FAM174B: variants seen among roughly 807,000 people sequenced by gnomAD.
FAM174B encodes the protein family with sequence similarity 174 member B.
FAM174B carries 12 observed loss-of-function variants against 10.9 expected under a neutral mutation model. That is an observed-to-expected ratio of 1.10 (90% CI 0.71 to 1.79). FAM174B has a LOEUF of 1.79. FAM174B is among the 40% of genes most tolerant of loss of function. The probability of loss-of-function intolerance (pLI) is 0.00; values close to 1 mark genes in which losing one functional copy is unlikely to be tolerated. For synonymous variants in FAM174B, 132 were observed against 115.8 expected (o/e 1.14, Z -0.90); for missense variants, 266 against 233.3 (o/e 1.14, Z -0.91).
chr15:92,643,456 C>T (rs2050905521), intron 1 of FAM174B, among the ~76,000 whole-genome samples: 3 of 151,576 alleles, frequency 2.0e-5, no homozygotes, highest in Non-Finnish European at 2.9e-5. Flanking sequence ...ATTGACAACA[C>T]AAAGTGAAGA....
intron 2 of FAM174B, among the ~76,000 whole-genome samples, chr15:92,628,416 G>C (rs1223843229): frequency 2.8e-5 from 4 of 142,748 alleles, no homozygotes; most frequent in Non-Finnish European, 6.0e-5. Context: ...TGGAGCTCAA[G>C]AGATCTGCAC....
intron 1 of FAM174B, among the ~76,000 whole-genome samples, chr15:92,654,167 A>G (rs2050985506): frequency 6.6e-6 from 1 of 152,216 alleles, no homozygotes; most frequent in Admixed American, 6.5e-5. Context: ...TCAAAGTCAC[A>G]CACAACTGAC....
chr15:92,637,070 T>G (rs989812854), intron 1 of FAM174B, among the ~76,000 whole-genome samples: 1 of 152,176 alleles, frequency 6.6e-6, no homozygotes, highest in Non-Finnish European at 1.5e-5. Context: ...CCCTCCCACA[T>G]GGGCCTGGCC....
chr15:92,634,223 A>C (rs1567046330), intron 1 of FAM174B: 2 of 152,244 alleles, frequency 1.3e-5, no homozygotes, highest in Non-Finnish European at 2.9e-5. Flanking sequence ...AGACGGCTTC[A>C]GGCTGAGGAG....
Position 92,655,593 on chromosome 15 carries a change from C to T in FAM174B, c.67G>A (p.Ala23Thr), listed in dbSNP as rs1471927817. 7.7e-7 allele frequency: 1 copy of T among 1,302,656 alleles called. No homozygotes were observed. Among genetic ancestry groups the T allele is most frequent in the South Asian group, 2.6e-5 (1 of 39,106 alleles). The allele number at this position is 1,302,656 out of a possible 1,614,324, so 80.7% of individuals were successfully genotyped here. A position where few individuals can be genotyped will look rare whatever the true frequency, so the allele number is the denominator to read the frequency against. The change falls in exon 1 of 3, where the codon GCC (alanine) becomes ACC (threonine). Residue 23 changes from alanine (A) to threonine (T), a missense_variant. Ala to Thr is a moderately conservative substitution (Grantham distance 58, BLOSUM62 0). Coordinates refer to ENST00000327355, the MANE Select transcript of FAM174B (RefSeq NM_207446.3). ...GACTCGGCTCTGCTGGCGCGGGCGG[C>T]GGGAGCGGCCAGGAGCGCGAGCAGC... ...LLLLALLAAP[A>T]ARASRAESVS... is the part of the protein sequence containing the mutation.
intron 1 of FAM174B, chr15:92,653,264 T>C (rs2050978955): frequency 6.6e-6 from 1 of 152,144 alleles, no homozygotes; most frequent in Admixed American, 6.5e-5. Flanking sequence ...CAGGCTAGAG[T>C]GCTGGCTTAC....
chr15:92,655,153 C>T (rs1292066877), intron 1 of FAM174B, 163 bp downstream of exon 1: 3 of 1,021,096 alleles, frequency 2.9e-6, no homozygotes, highest in Non-Finnish European at 3.9e-6. Flanking sequence ...GACGAGCACA[C>T]CCCGGCCCCC....
Position 92,630,815 on chromosome 15 carries a change from T to C in FAM174B, c.345-470A>G, listed in dbSNP as rs1196839559. 1.7e-4 allele frequency among the ~76,000 whole-genome samples: 7 copies of C among 41,270 alleles called. 1 individual carries two copies. Among genetic ancestry groups the C allele is most frequent in the Admixed American group, 2.6e-4 (1 of 3,826 alleles). The allele number at this position is 41,270 out of a possible 152,430, so 27.1% of individuals were successfully genotyped here. ...CATATTACATATTATATATATTTTA[T>C]ATATTACATATTATATATTATATAT... On this transcript the variant is annotated intron_variant, in intron 1 of 2. Coordinates refer to ENST00000327355, the MANE Select transcript of FAM174B (RefSeq NM_207446.3).
intron 1 of FAM174B, among the ~76,000 whole-genome samples, chr15:92,636,458 T>G (rs1033786426): frequency 6.6e-6 from 1 of 152,212 alleles, no homozygotes; most frequent in South Asian, 2.1e-4. Context: ...CTGAGGAGAC[T>G]GAGGCTCAGG....
intron 2 of FAM174B, among the ~76,000 whole-genome samples, chr15:92,620,658 T>A (rs2050713416): frequency 6.6e-6 from 1 of 151,268 alleles, no homozygotes; most frequent in African/African-American, 2.4e-5. Context: ...CTACTAAAAA[T>A]ACAAAAATTA....
chr15:92,647,784 T>A (rs2050938303), intron 1 of FAM174B, among the ~76,000 whole-genome samples: 1 of 152,200 alleles, frequency 6.6e-6, no homozygotes. Flanking sequence ...GGAAAATTTT[T>A]GCATCTATAG....
At chr15:92,624,779 G>T (rs1019547542) in intron 2 of FAM174B, among the ~76,000 whole-genome samples, 1 of 152,352 alleles carries the variant, frequency 6.6e-6, no homozygotes, top group South Asian at 2.1e-4. Flanking sequence ...CCTCCCTCTT[G>T]GTGGGGAGGC....
At position 92,618,919 on chromosome 15, in the gene FAM174B, A is replaced by G. The variant is rs1371200810; in HGVS notation, c.*537T>C. 2 of 495,960 alleles carry G rather than the reference A, an allele frequency of 4.0e-6. No individual in the cohort carries two copies. Among genetic ancestry groups the G allele is most frequent in the East Asian group, 7.2e-5 (2 of 27,848 alleles). 30.7% of individuals were successfully genotyped at this position (495,960 alleles called of 1,614,324 possible). Reference sequence around the variant, plus strand: ...GAAGGGGCTGACCAGCTCTAAGCACATCCACCTTGAACTCTGACACAGGTA... The same window carrying G: ...GAAGGGGCTGACCAGCTCTAAGCACGTCCACCTTGAACTCTGACACAGGTA... On this transcript the variant is annotated 3_prime_UTR_variant, in exon 3 of 3. Coordinates refer to ENST00000327355, the MANE Select transcript of FAM174B (RefSeq NM_207446.3).
intron 1 of FAM174B, among the ~76,000 whole-genome samples, chr15:92,633,592 G>A (rs2050833597): frequency 6.6e-6 from 1 of 152,122 alleles, no homozygotes; most frequent in Non-Finnish European, 1.5e-5. Flanking sequence ...ACAGGCATGG[G>A]TGTGAATCTA....
Position 92,617,967 on chromosome 15 carries a change from C to G in FAM174B, c.*1489G>C, listed in dbSNP as rs549563846. 2 of 360,676 alleles carry G rather than the reference C, an allele frequency of 5.5e-6. No individual in the cohort carries two copies. Among genetic ancestry groups the G allele is most frequent in the African/African-American group, 4.2e-5 (2 of 47,960 alleles). The allele number at this position is 360,676 out of a possible 1,614,324, so 22.3% of individuals were successfully genotyped here. On this transcript the variant is annotated 3_prime_UTR_variant, in exon 3 of 3. Coordinates refer to ENST00000327355, the MANE Select transcript of FAM174B (RefSeq NM_207446.3). ...GCTCTTTCCTGCAGAGGCGAAACTG[C>G]CTTCCTGGCAGGCGGAGGCTGCCGA...
rs192089392 is a variant in FAM174B at position 92,649,267 on chromosome 15, G to A, written c.344+6049C>T. Among the ~76,000 whole-genome samples the A allele has an allele frequency of 1.5e-3, 236 of 152,324 alleles. 1 individual carries two copies. The highest frequency in any genetic ancestry group is 5.0e-3 in the African/African-American group (207 of 41,576). ...TTCCAATTTGATAGAAGGAATCCAC[G>A]TCAGGTGCCAGGTCTTCACAGTCCT... On this transcript the variant is annotated intron_variant, in intron 1 of 2. Coordinates refer to ENST00000327355, the MANE Select transcript of FAM174B (RefSeq NM_207446.3).
intron 1 of FAM174B, among the ~76,000 whole-genome samples, chr15:92,637,952 C>T (rs563640280): frequency 5.9e-5 from 9 of 152,220 alleles, no homozygotes; most frequent in African/African-American, 1.7e-4. Flanking sequence ...AGTGCCCCCA[C>T]GTCCAGAGCC....
At chr15:92,625,071 T>C (rs2050744703) in intron 2 of FAM174B, among the ~76,000 whole-genome samples, 1 of 152,236 alleles carries the variant, frequency 6.6e-6, no homozygotes, top group Non-Finnish European at 1.5e-5. Context: ...GGCACTCTTG[T>C]ACTCTGGTTA....
rs754296385 is a variant in FAM174B, at chr15:92,655,624, C to T, written c.36G>A (p.Pro12=). The T allele has an allele frequency of 9.5e-5, 120 of 1,260,948 alleles. No homozygotes were observed. The African/African-American group carries it at 1.7e-3, about 18-fold the overall frequency. 78.1% of individuals were successfully genotyped at this position (1,260,948 alleles called of 1,614,324 possible). A position where few individuals can be genotyped will look rare whatever the true frequency, so the allele number is the denominator to read the frequency against. ...RAVPLPAPLL[P]LLLLALLAAP... is the part of the protein sequence containing the mutation. Reference sequence around the variant, plus strand: ...CGGCCAGGAGCGCGAGCAGCAGCAGCGGCAGGAGCGGGGCGGGCAGCGGCA... The same window carrying T: ...CGGCCAGGAGCGCGAGCAGCAGCAGTGGCAGGAGCGGGGCGGGCAGCGGCA... Residue 12 remains proline, a synonymous_variant, in exon 1 of 3, where the codon CCG becomes CCA. Transcript: ENST00000327355.
Sources: allele counts gnomAD v4.1 joint callset (sites outside exome capture counted in the v4.1 genomes callset), GRCh38; gene constraint gnomAD v4.1.1; transcripts MANE v1.5; gene names NCBI Gene and HGNC (gene_info 2026-07-23, HGNC 2026-07-21).